HERC1: variants seen among roughly 807,000 people sequenced by gnomAD.
HERC1 encodes the protein probable E3 ubiquitin-protein ligase HERC1.
A neutral mutation model predicts 554.3 loss-of-function variants in HERC1; 160 were observed. That is an observed-to-expected ratio of 0.29 (90% CI 0.25 to 0.33). The LOEUF is 0.33. Among genes scored for constraint, HERC1 ranks in the 10% least tolerant of loss-of-function variants. The probability of loss-of-function intolerance (pLI) is 1.00; values close to 1 mark genes in which losing one functional copy is unlikely to be tolerated. For synonymous variants in HERC1, 2,175 were observed against 2,131.7 expected, an observed-to-expected ratio of 1.02 and a Z score of -0.56; for missense variants, 4,919 against 5,918.5, an observed-to-expected ratio of 0.83 and a Z score of 5.54.
At chr15:63,630,829 T>G in intron 68 of HERC1, 194 bp from the exon 69 acceptor site, 2 of 497,040 alleles carry the variant, frequency 4.0e-6, no homozygotes, top group Non-Finnish European at 6.9e-6. Flanking sequence ...GCTGTTTCTC[T>G]GCAAAACATC....
intron 36 of HERC1, among the ~76,000 whole-genome samples, chr15:63,679,460 G>A (rs2071369251): frequency 6.6e-6 from 1 of 152,090 alleles, no homozygotes. Flanking sequence ...ACTACATAAT[G>A]GCTAGAAATT....
intron 25 of HERC1, among the ~76,000 whole-genome samples, chr15:63,703,273 G>A (rs2072826722): frequency 6.6e-6 from 1 of 152,172 alleles, no homozygotes; most frequent in Non-Finnish European, 1.5e-5. Context: ...AGTGAGGGGA[G>A]AAAAAGGCGC....
chr15:63,668,630 G>A (rs923696430), intron 40 of HERC1, among the ~76,000 whole-genome samples: 3 of 152,096 alleles, frequency 2.0e-5, no homozygotes, highest in Admixed American at 6.5e-5. Flanking sequence ...AAGCAGGAGT[G>A]GCTATAACAT....
At position 63,763,614 on chromosome 15, in the gene HERC1, T is replaced by G. The variant is rs529129759; in HGVS notation, c.1026+482A>C. 3.0e-4 allele frequency among the ~76,000 whole-genome samples: 46 copies of G among 151,206 alleles called. No individual in the cohort carries two copies. The South Asian group carries it at 8.8e-3, about 29-fold the overall frequency. On this transcript the variant is annotated intron_variant, in intron 3 of 77. Coordinates refer to ENST00000443617, the MANE Select transcript of HERC1 (RefSeq NM_003922.4). The stretch of plus-strand genomic sequence containing the variant: ...TTTTAATGGGCAAGACTATAGTGTC[T>G]AAGGATGCACATCTGGTTGACAGAA...
rs577835853 is a variant in HERC1 at position 63,738,599 on chromosome 15, T to A, written c.2521-3750A>T. On this transcript the variant is annotated intron_variant, in intron 12 of 77. Coordinates refer to ENST00000443617, the MANE Select transcript of HERC1 (RefSeq NM_003922.4). ...AAATTCAGAGAGGGTCAAAGGAAAA[T>A]GGTGGGAAAGCATACAAGAAACAGC... Among the ~76,000 whole-genome samples, 276 of 151,840 alleles carry A rather than the reference T, an allele frequency of 1.8e-3. 2 individuals carry two copies. In the South Asian group the frequency reaches 0.024, roughly 13 times the overall value.
chr15:63,663,253 C>T (rs779497406), intron 43 of HERC1, 49 bp from the exon 44 acceptor site: 1 of 1,518,890 alleles, frequency 6.6e-7, no homozygotes, highest in East Asian at 2.3e-5. Flanking sequence ...TAAAATAATT[C>T]TGAATATTTC....
chr15:63,695,540 C>T (rs569436797), intron 27 of HERC1, among the ~76,000 whole-genome samples: 1 of 152,030 alleles, frequency 6.6e-6, no homozygotes, highest in Non-Finnish European at 1.5e-5. Flanking sequence ...GCGCCCACCA[C>T]CACGCCCAGC....
rs1260728191 is a variant in HERC1, at chr15:63,729,363, T to C, written c.3027A>G (p.Ser1009=). 1.2e-6 allele frequency: 2 copies of C among 1,603,070 alleles called. No individual in the cohort carries two copies. The highest frequency in any genetic ancestry group is 2.3e-5 in the South Asian group (2 of 88,682). The change falls in exon 16 of 78, where the codon TCA becomes TCG. Residue 1009 remains serine, a synonymous_variant. Transcript: ENST00000443617. Reference sequence around the variant, plus strand: ...GTTTATGAAGCAATGCCACACTGCTTGAGTTCTAAGAAGAAAAAAAGTTCC... The same window carrying C: ...GTTTATGAAGCAATGCCACACTGCTCGAGTTCTAAGAAGAAAAAAAGTTCC... ...FCHINNISEN[S]SSVALLHKHL...
At chr15:63,709,002 T>C (rs558570848) in intron 24 of HERC1, among the ~76,000 whole-genome samples, 2 of 152,284 alleles carry the variant, frequency 1.3e-5, no homozygotes, top group South Asian at 4.1e-4. Flanking sequence ...CTGGTGTTTT[T>C]TGTTTGAGAC....
chr15:63,811,100 G>C (rs1422739928), intron 1 of HERC1, among the ~76,000 whole-genome samples: 1 of 152,074 alleles, frequency 6.6e-6, no homozygotes, highest in African/African-American at 2.4e-5. Flanking sequence ...AATGTGATTG[G>C]ATCCTGGACC....
chr15:63,632,758 C>A lies in HERC1; in HGVS notation c.12747G>T (p.Gln4249His), dbSNP rs972626237. The change falls in exon 68 of 78, where the codon CAG (glutamine) becomes CAT (histidine). Residue 4249 changes from glutamine (Q) to histidine (H), a missense_variant. This residue lies in a region of HERC1 where 410 missense variants were observed against 467.0 expected (regional missense o/e 0.88). Coordinates refer to ENST00000443617, the MANE Select transcript of HERC1 (RefSeq NM_003922.4). ...CATCTTTGGTCAAAGCAACAGAAAA[C>A]TGAGTTCCACAAGCAACCTTTTTTA... Reference protein sequence around the residue: ...IGIKKVACGTQFSVALTKDGH... With the variant: ...IGIKKVACGTHFSVALTKDGH... 6.4e-7 allele frequency: 1 copy of A among 1,569,996 alleles called. No homozygotes were observed. The highest frequency in any genetic ancestry group is 1.3e-5 in the African/African-American group (1 of 74,342).
At chr15:63,832,064 C>A (rs1265575761) in intron 1 of HERC1, among the ~76,000 whole-genome samples, 1 of 152,122 alleles carries the variant, frequency 6.6e-6, no homozygotes, top group Non-Finnish European at 1.5e-5. Flanking sequence ...TAACAACAAC[C>A]CCAGATGACA....
At chr15:63,622,923 A>G in intron 73 of HERC1, 32 bp from the exon 74 acceptor site, 1 of 1,434,672 alleles carries the variant, frequency 7.0e-7, no homozygotes, top group Non-Finnish European at 9.6e-7. Context: ...TTTTTGAGAA[A>G]TGACAATCAA....
rs1302443561 is a variant in HERC1, at chr15:63,758,562, A to G, written c.1027-193T>C. Among the ~76,000 whole-genome samples the G allele has an allele frequency of 6.6e-6, 1 of 152,230 alleles. No individual in the cohort carries two copies. Among genetic ancestry groups the G allele is most frequent in the African/African-American group, 2.4e-5 (1 of 41,460 alleles). ...ACTAAAAGACGCTAATGAAGTGGCA[A>G]AAGTGGGAAACGGGAGACACACAAT... On this transcript the variant is annotated intron_variant, in intron 3 of 77. Coordinates refer to ENST00000443617, the MANE Select transcript of HERC1 (RefSeq NM_003922.4). This position sits in a 1 kb window ranked among gnomAD's most constrained non-coding sequence, Gnocchi z 4.0.
chr15:63,662,605 C>T (rs1365408941), intron 44 of HERC1, among the ~76,000 whole-genome samples: 1 of 152,156 alleles, frequency 6.6e-6, no homozygotes, highest in South Asian at 2.1e-4. Context: ...TAAATGGAAC[C>T]TATGAAGGAG....
chr15:63,739,184 C>T (rs1324365130), intron 12 of HERC1, among the ~76,000 whole-genome samples: 1 of 143,394 alleles, frequency 7.0e-6, no homozygotes, highest in African/African-American at 2.7e-5. Flanking sequence ...CCTCCAACAA[C>T]CACTAATATA....
rs889103954 is a variant in HERC1 at position 63,643,279 on chromosome 15, G to C, written c.11331+125C>G. On this transcript the variant is annotated intron_variant, in intron 58 of 77. Coordinates refer to ENST00000443617, the MANE Select transcript of HERC1 (RefSeq NM_003922.4). ...AATGTAAGGGCAGAGGATTCTGAAA[G>C]AAGTTTCCTCAGTATTCAAGAGATT... 11 of 914,978 alleles carry C rather than the reference G, an allele frequency of 1.2e-5. No homozygotes were observed. In the Admixed American group the frequency reaches 2.9e-4, roughly 24 times the overall value. 56.7% of individuals were successfully genotyped at this position (914,978 alleles called of 1,614,324 possible). A position where few individuals can be genotyped will look rare whatever the true frequency, so the allele number is the denominator to read the frequency against.
chr15:63,699,030 C>A, intron 25 of HERC1, 34 bp from the exon 26 acceptor site: 1 of 1,557,308 alleles, frequency 6.4e-7, no homozygotes, highest in South Asian at 1.2e-5. Context: ...ATATCAATGG[C>A]AATCAAGTAG....
In HERC1 at chr15:63,716,400, G is replaced by C. The variant is rs1270787743; in HGVS notation, c.4052C>G (p.Ala1351Gly). The C allele has an allele frequency of 6.2e-7, 1 of 1,613,648 alleles. No individual in the cohort carries two copies. The part of the protein sequence containing the change: ...HSFTRTIDEE[A>G]EMEEQAERDR... ...TCTCTCAGCCTGTTCTTCCATTTCA[G>C]CTTCTTCATCAATAGTTCGAGTAAA... The change falls in exon 22 of 78, where the codon GCT (alanine) becomes GGT (glycine). Residue 1351 changes from alanine to glycine, a missense_variant. Physicochemically the swap from Ala to Gly is moderately conservative, Grantham distance 60. Around this residue, in one of 11 missense-constraint regions of HERC1, gnomAD observed 1,121 missense variants for 1,244.0 expected, o/e 0.90. Coordinates refer to ENST00000443617, the MANE Select transcript of HERC1 (RefSeq NM_003922.4).
Sources: allele counts gnomAD v4.1 joint callset (sites outside exome capture counted in the v4.1 genomes callset), GRCh38; gene constraint gnomAD v4.1.1; regional missense constraint gnomAD v4.1.1; non-coding constraint Gnocchi (gnomAD v3.1); transcripts MANE v1.5; gene names NCBI Gene and HGNC (gene_info 2026-07-23, HGNC 2026-07-21).